CYSLTR1: variants seen among roughly 807,000 people sequenced by gnomAD.
CYSLTR1 encodes G-protein coupled receptor HG55.
A neutral mutation model predicts 2.1 loss-of-function variants in CYSLTR1; 1 was observed. The observed-to-expected ratio is 0.48, with a 90% CI of 0.17 to 2.28. The LOEUF (loss-of-function observed/expected upper bound fraction) is 2.28, where lower values mean the gene tolerates loss of function less well. Among genes scored for constraint, CYSLTR1 ranks in the 30% most tolerant of loss-of-function variants. The probability of loss-of-function intolerance (pLI) is 0.26; values close to 1 mark genes in which losing one functional copy is unlikely to be tolerated. For synonymous variants in CYSLTR1, 110 were observed against 89.6 expected, an observed-to-expected ratio of 1.23 and a Z score of -1.28; for missense variants, 299 against 250.1, an observed-to-expected ratio of 1.20 and a Z score of -1.32.
rs1468773446 is a variant in CYSLTR1, at chrX:78,288,848, A to G, written c.-114-5308T>C. On this transcript the variant is annotated intron_variant, in intron 1 of 2. Transcript: ENST00000373304. ...GTTTTTGTGTCCATCAACCATCCCCACCTCCTCTCACTACCCTTCCAAACC... is the reference window on the plus strand; with the variant it reads ...GTTTTTGTGTCCATCAACCATCCCCGCCTCCTCTCACTACCCTTCCAAACC... 4.6e-5 allele frequency among the ~76,000 whole-genome samples: 5 copies of G among 108,471 alleles called. No individual in the cohort carries two copies. The East Asian group carries it at 1.5e-3, about 32-fold the overall frequency. 94.2% of individuals were successfully genotyped at this position (108,471 alleles called of 115,157 possible).
At chrX:78,318,316 A>G (rs944131486) in intron 1 of CYSLTR1, among the ~76,000 whole-genome samples, 6 of 112,424 alleles carry the variant, frequency 5.3e-5, no homozygotes, top group Middle Eastern at 4.6e-3. Flanking sequence ...ATTCTCACTT[A>G]TAAGTGATAG....
Position 78,327,531 on chromosome X carries a change from G to A in CYSLTR1, c.-341C>T, listed in dbSNP as rs1473436536. On this transcript the variant is annotated 5_prime_UTR_variant, in exon 1 of 3. Coordinates refer to ENST00000373304, the MANE Select transcript of CYSLTR1 (RefSeq NM_006639.4). The stretch of plus-strand genomic sequence containing the variant: ...GATGGGTTGCTGCTATTTTTAAGAG[G>A]GGAGAGAGCAGGGCACATTTGCTAG... 9.0e-6 allele frequency: 1 copy of A among 111,729 alleles called. No homozygotes were observed. Among genetic ancestry groups the A allele is most frequent in the Non-Finnish European group, 1.9e-5 (1 of 53,164 alleles). The allele number at this position is 111,729 out of a possible 1,213,427, so 9.2% of individuals were successfully genotyped here.
At chrX:78,293,842 G>A (rs1603410565) in intron 1 of CYSLTR1, among the ~76,000 whole-genome samples, 1 of 111,385 alleles carries the variant, frequency 9.0e-6, no homozygotes, top group African/African-American at 3.3e-5. Flanking sequence ...GGTCATTTAA[G>A]GTCTTCTCTA....
chrX:78,304,694 A>T (rs1375365314), intron 1 of CYSLTR1, among the ~76,000 whole-genome samples: 3 of 111,404 alleles, frequency 2.7e-5, no homozygotes, highest in African/African-American at 9.8e-5. Flanking sequence ...GTGACTTAGC[A>T]GGAGACAAGA....
chrX:78,292,653 T>C (rs1922396262), intron 1 of CYSLTR1, among the ~76,000 whole-genome samples: 1 of 111,861 alleles, frequency 8.9e-6, no homozygotes, highest in Non-Finnish European at 1.9e-5. Context: ...TGGCTGCTCT[T>C]GTATTGGAGG....
In CYSLTR1 at chrX:78,315,240, G is replaced by A. The variant is rs756370640; in HGVS notation, c.-115+12065C>T. On this transcript the variant is annotated intron_variant, in intron 1 of 2. Transcript: ENST00000373304. ...CACCGGCCAACTGAAGAGCCCTTGG[G>A]CCTTGAATAAACAGAAATGATATCC... Among the ~76,000 whole-genome samples the A allele has an allele frequency of 2.1e-4, 23 of 109,091 alleles. No individual in the cohort carries two copies. In the East Asian group the frequency reaches 2.9e-3, roughly 14 times the overall value. 94.7% of individuals were successfully genotyped at this position (109,091 alleles called of 115,157 possible).
intron 1 of CYSLTR1, among the ~76,000 whole-genome samples, chrX:78,291,568 T>G (rs954603723): frequency 6.3e-5 from 7 of 111,576 alleles, no homozygotes; most frequent in African/African-American, 2.3e-4. Flanking sequence ...TCTGGTAGAA[T>G]TCAGTTGTGA....
At chrX:78,293,641 A>C (rs1379722408) in intron 1 of CYSLTR1, among the ~76,000 whole-genome samples, 2 of 111,573 alleles carry the variant, frequency 1.8e-5, no homozygotes, top group African/African-American at 6.5e-5. Context: ...TGGCCTTTCC[A>C]CATAGTCCCA....
chrX:78,279,686 G>A (rs750568224), intron 2 of CYSLTR1, among the ~76,000 whole-genome samples: 1 of 111,980 alleles, frequency 8.9e-6, no homozygotes, highest in Non-Finnish European at 1.9e-5. Context: ...GCAAAAACAT[G>A]GAATCAACTC....
chrX:78,300,859 T>G (rs1252731426), intron 1 of CYSLTR1, among the ~76,000 whole-genome samples: 1 of 112,665 alleles, frequency 8.9e-6, no homozygotes, highest in African/African-American at 3.2e-5. Context: ...ATGAGGGCCC[T>G]GCCCCTCCAG....
intron 2 of CYSLTR1, among the ~76,000 whole-genome samples, chrX:78,277,224 G>A (rs952617628): frequency 4.5e-5 from 5 of 111,059 alleles, no homozygotes. Context: ...CTTGCTCATA[G>A]GGTAGGGGTA....
At chrX:78,284,931 A>T (rs1921996359) in intron 1 of CYSLTR1, among the ~76,000 whole-genome samples, 1 of 111,021 alleles carries the variant, frequency 9.0e-6, no homozygotes, top group Non-Finnish European at 1.9e-5. Flanking sequence ...CCCTCTCCAA[A>T]TTGTTCCTTT....
chrX:78,273,990 C>CA (rs1209146373), intron 2 of CYSLTR1, among the ~76,000 whole-genome samples: 1 of 110,520 alleles, frequency 9.0e-6, no homozygotes, highest in African/African-American at 3.3e-5. Flanking sequence ...CTTTCCCACC[C>CA]ATGTTTTTCT....
intron 1 of CYSLTR1, among the ~76,000 whole-genome samples, chrX:78,290,700 T>A (rs1395121122): frequency 1.8e-5 from 2 of 111,782 alleles, no homozygotes; most frequent in Non-Finnish European, 3.8e-5. Flanking sequence ...TCCTAGGTAT[T>A]TTATTCTCTT....
chrX:78,297,899 C>A (rs913804376), intron 1 of CYSLTR1, among the ~76,000 whole-genome samples: 2 of 110,505 alleles, frequency 1.8e-5, no homozygotes, highest in African/African-American at 6.5e-5. Flanking sequence ...CTTTATTATT[C>A]TTTTTCTTCC....
chrX:78,302,969 G>T (rs1051610336), intron 1 of CYSLTR1, among the ~76,000 whole-genome samples: 1 of 111,393 alleles, frequency 9.0e-6, no homozygotes, highest in Non-Finnish European at 1.9e-5. Context: ...CACTGTTTCT[G>T]GTCCCAGTTC....
intron 1 of CYSLTR1, among the ~76,000 whole-genome samples, chrX:78,290,336 C>G (rs1922267416): frequency 9.0e-6 from 1 of 111,625 alleles, no homozygotes; most frequent in African/African-American, 3.3e-5. Context: ...TGTTTTGGTA[C>G]CAGAACCATG....
At chrX:78,284,108 G>A (rs1190034424) in intron 1 of CYSLTR1, among the ~76,000 whole-genome samples, 1 of 111,811 alleles carries the variant, frequency 8.9e-6, no homozygotes, top group Non-Finnish European at 1.9e-5. Context: ...TATACTTTTG[G>A]AGATTAACTG....
intron 1 of CYSLTR1, among the ~76,000 whole-genome samples, chrX:78,300,976 A>G (rs1185689563): frequency 3.6e-5 from 4 of 112,298 alleles, no homozygotes; most frequent in Non-Finnish European, 1.9e-5. Flanking sequence ...GCTCAACACC[A>G]CATGGAAGCT....
Sources: gnomAD v4.1 joint callset for allele counts (sites outside exome capture counted in the v4.1 genomes callset) on GRCh38, gnomAD v4.1.1 for gene constraint, MANE v1.5 for transcripts, NCBI Gene and HGNC (gene_info 2026-07-23, HGNC 2026-07-21) for gene names.